Variants in DLGAP2 observed in about 807,000 individuals in gnomAD.
The protein encoded by DLGAP2 is disks large-associated protein 2.
DLGAP2 carries 26 observed loss-of-function variants against 100.3 expected under a neutral mutation model. The observed-to-expected ratio is 0.26, with a 90% CI of 0.19 to 0.36. The LOEUF (loss-of-function observed/expected upper bound fraction) is 0.36, where lower values mean the gene tolerates loss of function less well. Among genes scored for constraint, DLGAP2 ranks in the 10% least tolerant of loss-of-function variants. The pLI is 1.00. For synonymous variants in DLGAP2, 886 were observed against 630.1 expected (o/e 1.41, Z -6.08); for missense variants, 1,858 against 1,453.2 (o/e 1.28, Z -4.53).
intron 2 of DLGAP2, among the ~76,000 whole-genome samples, chr8:1,219,740 T>TC (rs1293573419): frequency 2.0e-5 from 3 of 152,088 alleles, no homozygotes; most frequent in East Asian, 3.9e-4. Context: ...AATCCGTATG[T>TC]CCCAGGGCTT....
intron 1 of DLGAP2, among the ~76,000 whole-genome samples, chr8:906,593 A>G (rs17065456): frequency 0.012 from 1,873 of 152,306 alleles, 38 homozygotes; most frequent in African/African-American, 0.043. Context: ...TCAGGGAAAC[A>G]GTGTCAGATA....
chr8:1,530,260 G>A (rs1205047747), intron 4 of DLGAP2, among the ~76,000 whole-genome samples: 1 of 152,088 alleles, frequency 6.6e-6, no homozygotes, highest in African/African-American at 2.4e-5. Context: ...ATACCTCCAG[G>A]CACGTATTCT....
chr8:898,700 C>CT (rs1448040181), intron 1 of DLGAP2, among the ~76,000 whole-genome samples: 3 of 152,162 alleles, frequency 2.0e-5, no homozygotes, highest in Admixed American at 6.5e-5. Context: ...ATTCCCAGCT[C>CT]TAAGAAGGCC....
In DLGAP2 at chr8:1,410,321, C is replaced by G. The variant is rs75382436; in HGVS notation, c.107-91045C>G. Among the ~76,000 whole-genome samples, 536 of 152,296 alleles carry G rather than the reference C, an allele frequency of 3.5e-3. 10 individuals are homozygous for G. The East Asian group carries it at 0.048, about 14-fold the overall frequency. ...GGTAACATTCACGGGCATGGCTTCA[C>G]GCGTGCGGCACCGTGGCCCAGGCAG... On this transcript the variant is annotated intron_variant, in intron 3 of 14. Coordinates refer to ENST00000637795, the MANE Select transcript of DLGAP2 (RefSeq NM_001346810.2).
intron 3 of DLGAP2, among the ~76,000 whole-genome samples, chr8:1,378,461 G>A (rs1329926269): frequency 6.6e-6 from 1 of 150,570 alleles, no homozygotes; most frequent in Admixed American, 6.6e-5. Context: ...GCGCACACCT[G>A]ACTTCGCCTG....
At chr8:1,498,404 G>T (rs1209737626) in intron 3 of DLGAP2, among the ~76,000 whole-genome samples, 1 of 152,144 alleles carries the variant, frequency 6.6e-6, no homozygotes, top group Non-Finnish European at 1.5e-5. Context: ...TACACATTCG[G>T]GATGGAAATA....
intron 3 of DLGAP2, among the ~76,000 whole-genome samples, chr8:1,298,528 G>T (rs976873967): frequency 6.6e-6 from 1 of 152,104 alleles, no homozygotes; most frequent in East Asian, 1.9e-4. Context: ...GAGAGGCAGC[G>T]TACCCTGCAG....
At chr8:758,185 G>T (rs964621298) in intron 1 of DLGAP2, among the ~76,000 whole-genome samples, 1 of 152,184 alleles carries the variant, frequency 6.6e-6, no homozygotes, top group Non-Finnish European at 1.5e-5. Context: ...GTGAAGCCAG[G>T]ACTGATGGAG....
intron 3 of DLGAP2, among the ~76,000 whole-genome samples, chr8:1,359,964 C>G (rs1440416414): frequency 6.6e-6 from 1 of 152,188 alleles, no homozygotes; most frequent in Non-Finnish European, 1.5e-5. Flanking sequence ...GTGGACGAGT[C>G]CACGGGTCCT....
intron 2 of DLGAP2, among the ~76,000 whole-genome samples, chr8:966,357 C>G (rs1057479964): frequency 6.6e-6 from 1 of 152,152 alleles, no homozygotes; most frequent in East Asian, 1.9e-4. Flanking sequence ...TAAATCATGA[C>G]TAAGATGATT....
At chr8:1,190,026 C>T (rs1262505673) in intron 2 of DLGAP2, among the ~76,000 whole-genome samples, 1 of 152,176 alleles carries the variant, frequency 6.6e-6, no homozygotes, top group Non-Finnish European at 1.5e-5. Context: ...TAAAGGCCCT[C>T]CTTTATTCAC....
chr8:1,290,413 C>G (rs973431657), intron 3 of DLGAP2, among the ~76,000 whole-genome samples: 1 of 152,316 alleles, frequency 6.6e-6, no homozygotes, highest in South Asian at 2.1e-4. Context: ...GACCAGCACA[C>G]CTGCACTCCT....
rs76318937 is a variant in DLGAP2, at chr8:1,497,447, C to G, written c.107-3919C>G. 7.9e-3 allele frequency among the ~76,000 whole-genome samples: 1,205 copies of G among 152,294 alleles called. 12 individuals carry two copies. Among genetic ancestry groups the G allele is most frequent in the African/African-American group, 0.028 (1,167 of 41,568 alleles). ...GCTGTAGTTGTATGACAGCAGCCAA[C>G]GTTGGCTTCCTAGGCCAGGCGGCCC... is the stretch of plus-strand genomic sequence containing the variant. On this transcript the variant is annotated intron_variant, in intron 3 of 14. Coordinates refer to ENST00000637795, the MANE Select transcript of DLGAP2 (RefSeq NM_001346810.2).
At chr8:1,098,140 C>G (rs1020233492) in intron 2 of DLGAP2, among the ~76,000 whole-genome samples, 4 of 152,278 alleles carry the variant, frequency 2.6e-5, no homozygotes, top group Middle Eastern at 3.2e-3. Context: ...ACACACGTCC[C>G]TCCCCAAGAG....
chr8:1,195,103 A>T (rs1797723154), intron 2 of DLGAP2, among the ~76,000 whole-genome samples: 1 of 152,236 alleles, frequency 6.6e-6, no homozygotes, highest in Non-Finnish European at 1.5e-5. Flanking sequence ...CGGCATCCTC[A>T]TGGCTGCAGC....
intron 3 of DLGAP2, among the ~76,000 whole-genome samples, chr8:1,345,263 G>C (rs56127758): frequency 4.8e-5 from 3 of 62,378 alleles, no homozygotes; most frequent in South Asian, 6.7e-4. Flanking sequence ...AGAGTGTGCG[G>C]TCTGTTTCTC....
At chr8:890,044 A>C (rs1481595823) in intron 1 of DLGAP2, among the ~76,000 whole-genome samples, 4 of 149,634 alleles carry the variant, frequency 2.7e-5, no homozygotes, top group Non-Finnish European at 5.9e-5. Flanking sequence ...CCCTCACCAC[A>C]CTGCTCTTCC....
chr8:1,217,862 T>G (rs1458642971), intron 2 of DLGAP2, among the ~76,000 whole-genome samples: 7 of 152,168 alleles, frequency 4.6e-5, no homozygotes, highest in Admixed American at 4.6e-4. Context: ...AGTAGTGATG[T>G]TTAGGATTTT....
At chr8:1,535,067 C>T (rs1360019774) in intron 4 of DLGAP2, among the ~76,000 whole-genome samples, 1 of 152,228 alleles carries the variant, frequency 6.6e-6, no homozygotes, top group Non-Finnish European at 1.5e-5. Context: ...CACCCGGAGC[C>T]ACCTTCTGTA....
Sources: gnomAD v4.1 joint callset for allele counts (sites outside exome capture counted in the v4.1 genomes callset) on GRCh38, gnomAD v4.1.1 for gene constraint, MANE v1.5 for transcripts, NCBI Gene and HGNC (gene_info 2026-07-23, HGNC 2026-07-21) for gene names.